The following CAMK2B variants were observed in gnomAD, a reference collection of about 807,000 sequenced individuals.
CAMK2B encodes calcium/calmodulin-dependent protein kinase type II subunit beta.
A neutral mutation model predicts 93.7 loss-of-function variants in CAMK2B; 27 were observed. That is an observed-to-expected ratio of 0.29 (90% CI 0.21 to 0.40). The LOEUF (loss-of-function observed/expected upper bound fraction) is 0.40. Among genes scored for constraint, CAMK2B ranks in the 10% least tolerant of loss-of-function variants. The probability of loss-of-function intolerance (pLI) is 1.00; values close to 1 mark genes in which losing one functional copy is unlikely to be tolerated. For missense variants in CAMK2B, 568 were observed against 895.8 expected (o/e 0.63, Z 4.67); for synonymous variants, 374 against 358.8 (o/e 1.04, Z -0.48).
rs781715401 is a variant in CAMK2B, at chr7:44,247,164, C to T, written c.370G>A (p.Val124Ile). 9 of 1,614,084 alleles carry T rather than the reference C, an allele frequency of 5.6e-6. No homozygotes were observed. Among genetic ancestry groups the T allele is most frequent in the East Asian group, 2.2e-5 (1 of 44,876 alleles). ...ACCCCCATTTGGTGACAATGGAGAA[C>T]GGCCTCCAGGATCTGCTGGATACAG... ...SHCIQQILEA[V>I]LHCHQMGVVH... The change falls in exon 6 of 24, where the codon GTT (valine) becomes ATT (isoleucine). Residue 124 changes from valine (V) to isoleucine (I), a missense_variant. Val to Ile is a conservative substitution (Grantham distance 29). Coordinates refer to ENST00000395749, the MANE Select transcript of CAMK2B (RefSeq NM_001220.5).
intron 1 of CAMK2B, among the ~76,000 whole-genome samples, chr7:44,302,464 C>T (rs763620777): frequency 9.2e-5 from 14 of 152,114 alleles, no homozygotes; most frequent in Non-Finnish European, 1.8e-4. Context: ...AAGAAATATA[C>T]AGACCAAAAT....
intron 8 of CAMK2B, 28 bp downstream of exon 8, chr7:44,243,222 C>A (rs2096698882): frequency 1.9e-6 from 3 of 1,574,946 alleles, no homozygotes; most frequent in Non-Finnish European, 2.6e-6. Context: ...CGAGGCCCTG[C>A]CCCGCACCAA....
chr7:44,322,126 T>C (rs554517555), intron 1 of CAMK2B, among the ~76,000 whole-genome samples: 2 of 152,210 alleles, frequency 1.3e-5, no homozygotes, highest in Non-Finnish European at 2.9e-5. Context: ...CGCAGGACAG[T>C]GTTCACACTA....
Position 44,220,272 on chromosome 7 carries a change from C to G in CAMK2B, c.1791G>C (p.Pro597=), listed in dbSNP as rs1127065. The G allele has an allele frequency of 0.019, 31,254 of 1,612,832 alleles. 360 individuals are homozygous for G. Among genetic ancestry groups the G allele is most frequent in the South Asian group, 0.027 (2,453 of 91,056 alleles). ...FENLLAKNSK[P]IHTTILNPHV... is the part of the protein sequence containing the mutation. ...GTGGGTTCAGGATGGTCGTGTGGAT[C>G]GGCTTGCTGTTCTTGGCCAGCACTG... Residue 597 remains proline (P), a synonymous_variant, in exon 23 of 24, where the codon CCG becomes CCC. Transcript: ENST00000395749.
At chr7:44,316,355 T>C (rs981373422) in intron 1 of CAMK2B, among the ~76,000 whole-genome samples, 2 of 152,228 alleles carry the variant, frequency 1.3e-5, no homozygotes, top group Non-Finnish European at 1.5e-5. Context: ...AATGAACCTT[T>C]CATTCTTGGG....
At chr7:44,241,126 C>T (rs549884639) in intron 11 of CAMK2B, among the ~76,000 whole-genome samples, 128 of 152,230 alleles carry the variant, frequency 8.4e-4, no homozygotes, top group African/African-American at 2.9e-3. Flanking sequence ...CTGGGGCTTC[C>T]GGGGAGAACT....
intron 1 of CAMK2B, among the ~76,000 whole-genome samples, chr7:44,299,574 A>G (rs2129172007): frequency 6.6e-6 from 1 of 152,184 alleles, no homozygotes; most frequent in Non-Finnish European, 1.5e-5. Flanking sequence ...AAAAATAAAT[A>G]AAAAGAATAA....
At chr7:44,229,081 C>G (rs547604701) in intron 18 of CAMK2B, 157 bp from the exon 19 acceptor site, 81 of 761,656 alleles carry the variant, frequency 1.1e-4, no homozygotes, top group East Asian at 3.8e-4. Flanking sequence ...AGGGAGCCCC[C>G]CCGCCCGCAA....
chr7:44,304,819 C>T (rs1050893155), intron 1 of CAMK2B, among the ~76,000 whole-genome samples: 1 of 152,078 alleles, frequency 6.6e-6, no homozygotes, highest in Non-Finnish European at 1.5e-5. Flanking sequence ...CAGATGTTAA[C>T]AACAGGGGTG....
At chr7:44,270,168 C>T (rs1004085763) in intron 2 of CAMK2B, among the ~76,000 whole-genome samples, 4 of 151,978 alleles carry the variant, frequency 2.6e-5, no homozygotes, top group Non-Finnish European at 4.4e-5. Flanking sequence ...CTAGCACCAG[C>T]GCTCTCCACC....
At chr7:44,265,064 C>T (rs2096911458) in intron 2 of CAMK2B, among the ~76,000 whole-genome samples, 1 of 152,126 alleles carries the variant, frequency 6.6e-6, no homozygotes, top group Non-Finnish European at 1.5e-5. Flanking sequence ...TTATTGTTTT[C>T]TTTCCTAGTA....
intron 4 of CAMK2B, among the ~76,000 whole-genome samples, chr7:44,255,896 G>A (rs750595328): frequency 1.3e-5 from 2 of 152,158 alleles, no homozygotes; most frequent in African/African-American, 2.4e-5. Context: ...AAAATCCTTC[G>A]AGCAATGTGA....
At chr7:44,320,765 A>G (rs1471494039) in intron 1 of CAMK2B, among the ~76,000 whole-genome samples, 1 of 152,038 alleles carries the variant, frequency 6.6e-6, no homozygotes, top group African/African-American at 2.4e-5. Context: ...GACCAGGAGG[A>G]CTCTTGCTGG....
At chr7:44,279,441 G>A (rs1054380807) in intron 2 of CAMK2B, among the ~76,000 whole-genome samples, 5 of 152,238 alleles carry the variant, frequency 3.3e-5, no homozygotes, top group Non-Finnish European at 7.3e-5. Flanking sequence ...GCCCTCTGGA[G>A]CCACACACGG....
chr7:44,226,718 A>T (rs2096485032), intron 19 of CAMK2B, 74 bp from the exon 20 acceptor site: 3 of 1,140,360 alleles, frequency 2.6e-6, no homozygotes, highest in Non-Finnish European at 3.3e-6. Flanking sequence ...ATGGGCAGAC[A>T]GCCAAGCCAG....
intron 1 of CAMK2B, among the ~76,000 whole-genome samples, chr7:44,304,597 G>A (rs1321032554): frequency 6.6e-6 from 1 of 152,210 alleles, no homozygotes; most frequent in East Asian, 1.9e-4. Flanking sequence ...GGGTTGGGTG[G>A]AGGGAGAGAC....
intron 2 of CAMK2B, among the ~76,000 whole-genome samples, chr7:44,275,093 G>A (rs910887403): frequency 6.6e-6 from 1 of 152,178 alleles, no homozygotes; most frequent in African/African-American, 2.4e-5. Context: ...TGGAAATGCG[G>A]AAGGACGCAA....
chr7:44,273,104 A>G (rs2096990305), intron 2 of CAMK2B, among the ~76,000 whole-genome samples: 1 of 152,084 alleles, frequency 6.6e-6, no homozygotes, highest in South Asian at 2.1e-4. Flanking sequence ...CGTCCTCCCC[A>G]CAAGGACTGG....
At position 44,256,453 on chromosome 7, in the gene CAMK2B, G is replaced by A. The variant is rs377488441; in HGVS notation, c.276-1846C>T. The stretch of plus-strand genomic sequence containing the variant: ...TGCCTGTGTGCATGTGTGTACAACT[G>A]TGTGCCTGTGTGTGCCCTTGTGCAC... On this transcript the variant is annotated intron_variant, in intron 4 of 23. Transcript: ENST00000395749. Among the ~76,000 whole-genome samples, 25 of 152,270 alleles carry A rather than the reference G, an allele frequency of 1.6e-4. No homozygotes were observed. The East Asian group carries it at 2.5e-3, about 15-fold the overall frequency.
Sources: gnomAD v4.1 joint callset for allele counts (sites outside exome capture counted in the v4.1 genomes callset) on GRCh38, gnomAD v4.1.1 for gene constraint, MANE v1.5 for transcripts, NCBI Gene and HGNC (gene_info 2026-07-23, HGNC 2026-07-21) for gene names.